Variants in MAP4K4 observed in about 807,000 individuals in gnomAD.
MAP4K4 encodes HPK/GCK-like kinase HGK.
In MAP4K4, 38 loss-of-function variants were observed where a neutral mutation model predicts 189.6. The ratio of observed to expected loss-of-function variants is 0.20; its 90% CI spans 0.15 to 0.26. The LOEUF is 0.26. MAP4K4 is among the 10% of genes least tolerant of loss of function. MAP4K4 has a pLI of 1.00. For synonymous variants in MAP4K4, 610 were observed against 624.3 expected, an observed-to-expected ratio of 0.98 and a Z score of 0.34; for missense variants, 1,054 against 1,726.9, an observed-to-expected ratio of 0.61 and a Z score of 6.91.
chr2:101,736,279 T>C (rs2060238714), intron 2 of MAP4K4, among the ~76,000 whole-genome samples: 1 of 152,244 alleles, frequency 6.6e-6, no homozygotes, highest in South Asian at 2.1e-4. Context: ...CCAAGCTCTT[T>C]AATGCGACTC....
intron 2 of MAP4K4, among the ~76,000 whole-genome samples, chr2:101,714,477 TAC>T (rs974098050): frequency 4.9e-4 from 74 of 152,306 alleles, no homozygotes; most frequent in African/African-American, 1.3e-3. Flanking sequence ...GACCCCTCCC[TAC>T]ACAGTGAGAA....
At chr2:101,758,948 A>G (rs2074319828) in intron 2 of MAP4K4, among the ~76,000 whole-genome samples, 1 of 151,884 alleles carries the variant, frequency 6.6e-6, no homozygotes, top group Non-Finnish European at 1.5e-5. Flanking sequence ...CCTGGCTAAC[A>G]TGGTGAAACC....
intron 2 of MAP4K4, among the ~76,000 whole-genome samples, chr2:101,762,181 G>C (rs2076777999): frequency 6.6e-6 from 1 of 152,226 alleles, no homozygotes; most frequent in African/African-American, 2.4e-5. Context: ...TCTTGGTGAT[G>C]ACCTCTGGCA....
At chr2:101,888,332 A>G (rs1483244346) in intron 31 of MAP4K4, among the ~76,000 whole-genome samples, 1 of 152,362 alleles carries the variant, frequency 6.6e-6, no homozygotes, top group Non-Finnish European at 1.5e-5. Context: ...TAGAGCCATA[A>G]CTACAAACAG....
At chr2:101,851,161 C>A (rs2158816) in intron 12 of MAP4K4, among the ~76,000 whole-genome samples, 93,549 of 152,038 alleles carry the variant, frequency 0.62, 30,522 homozygotes, top group African/African-American at 0.85. Context: ...CTTAGTTGGA[C>A]AAGTACATAT....
chr2:101,837,099 C>G (rs2096779277), intron 9 of MAP4K4, among the ~76,000 whole-genome samples: 1 of 133,252 alleles, frequency 7.5e-6, no homozygotes, highest in East Asian at 2.1e-4. Context: ...TACTATATGG[C>G]TTTTTTTTTT....
chr2:101,882,980 C>T (rs1008135345), intron 28 of MAP4K4, among the ~76,000 whole-genome samples: 1 of 152,206 alleles, frequency 6.6e-6, no homozygotes, highest in South Asian at 2.1e-4. Flanking sequence ...TTCCACTCCT[C>T]CTCTTTGACA....
chr2:101,768,781 G>T (rs1376290646), intron 2 of MAP4K4, among the ~76,000 whole-genome samples: 2 of 152,182 alleles, frequency 1.3e-5, no homozygotes, highest in Admixed American at 6.5e-5. Context: ...GTTTGATTAA[G>T]TGATAAGAAG....
chr2:101,830,211 C>G (rs1300791596), intron 6 of MAP4K4, among the ~76,000 whole-genome samples: 1 of 152,018 alleles, frequency 6.6e-6, no homozygotes, highest in Non-Finnish European at 1.5e-5. Flanking sequence ...TTTTTTACTT[C>G]TGTTACTGTC....
At chr2:101,736,275 T>C (rs2060237633) in intron 2 of MAP4K4, among the ~76,000 whole-genome samples, 1 of 152,210 alleles carries the variant, frequency 6.6e-6, no homozygotes, top group African/African-American at 2.4e-5. Context: ...AAGACCAAGC[T>C]CTTTAATGCG....
chr2:101,870,259 AT>A, intron 22 of MAP4K4, 35 bp from the exon 23 acceptor site: 1 of 1,606,136 alleles, frequency 6.2e-7, no homozygotes, highest in Middle Eastern at 1.7e-4. Flanking sequence ...GACTCCAGAG[AT>A]TAAGGCCTTT....
chr2:101,749,315 T>C (rs893965241), intron 2 of MAP4K4, among the ~76,000 whole-genome samples: 2 of 151,100 alleles, frequency 1.3e-5, no homozygotes, highest in South Asian at 2.1e-4. Flanking sequence ...AACAGAGATA[T>C]AGATCAATGG....
Position 101,867,540 on chromosome 2 carries a change from C to G in MAP4K4, c.2454+231C>G, listed in dbSNP as rs150548424. The G allele has an allele frequency of 1.6e-5, 8 of 490,680 alleles. No homozygotes were observed. The East Asian group carries it at 2.8e-4, about 17-fold the overall frequency. 30.4% of individuals were successfully genotyped at this position (490,680 alleles called of 1,614,324 possible). On this transcript the variant is annotated intron_variant, in intron 20 of 32. Coordinates refer to ENST00000324219, the Ensembl canonical transcript of MAP4K4. ...AAAACCTTTTTTCTGTTGTTCCAGC[C>G]ATACACTTGGTGTACAGTCAGCCTT...
intron 2 of MAP4K4, among the ~76,000 whole-genome samples, chr2:101,776,895 C>T (rs990179107): frequency 5.9e-5 from 9 of 152,094 alleles, no homozygotes; most frequent in Non-Finnish European, 1.2e-4. Context: ...AGCAATGTTA[C>T]GGACCTAAAT....
chr2:101,846,899 T>C (rs1416724071), intron 12 of MAP4K4, among the ~76,000 whole-genome samples: 1 of 152,162 alleles, frequency 6.6e-6, no homozygotes, highest in African/African-American at 2.4e-5. Context: ...AATTTGGGAA[T>C]AGAGTGATCC....
At chr2:101,865,060 A>G in intron 18 of MAP4K4, 24 bp downstream of exon 18, 4 of 1,413,020 alleles carry the variant, frequency 2.8e-6, no homozygotes, top group Non-Finnish European at 3.9e-6. Context: ...GAGCACTGAG[A>G]ACAGGCCTTC....
intron 2 of MAP4K4, among the ~76,000 whole-genome samples, chr2:101,790,298 A>AG (rs1234470731): frequency 2.0e-5 from 3 of 152,138 alleles, no homozygotes; most frequent in Non-Finnish European, 4.4e-5. Flanking sequence ...CAAGTTAAGA[A>AG]GGAAAGGATG....
chr2:101,775,704 G>C (rs2083722803), intron 2 of MAP4K4, among the ~76,000 whole-genome samples: 1 of 152,138 alleles, frequency 6.6e-6, no homozygotes. Flanking sequence ...GAAAAGGTGG[G>C]TGACCATAAC....
At chr2:101,879,271 TG>T (rs1366641717) in intron 27 of MAP4K4, among the ~76,000 whole-genome samples, 12 of 136,496 alleles carry the variant, frequency 8.8e-5, no homozygotes, top group Non-Finnish European at 1.2e-4. Flanking sequence ...TCTACTTTTC[TG>T]TTTTTTTTTT....
Sources: gnomAD v4.1 joint callset for allele counts (sites outside exome capture counted in the v4.1 genomes callset) on GRCh38, gnomAD v4.1.1 for gene constraint, MANE v1.5 for transcripts, NCBI Gene and HGNC (gene_info 2026-07-23, HGNC 2026-07-21) for gene names.